CFAP299: variants seen among roughly 807,000 people sequenced by gnomAD.
CFAP299 encodes the protein cilia and flagella associated protein 299, also known as cilia- and flagella-associated protein 299.
Under a neutral mutation model 27.0 loss-of-function variants are expected in CFAP299, and 21 were observed. The ratio of observed to expected loss-of-function variants is 0.78; its 90% CI spans 0.55 to 1.12. The LOEUF (loss-of-function observed/expected upper bound fraction) is 1.12. CFAP299 is among the 50% of genes most tolerant of loss of function. The probability of loss-of-function intolerance (pLI) is 0.00; values close to 1 mark genes in which losing one functional copy is unlikely to be tolerated. For missense variants in CFAP299, 310 were observed against 276.6 expected (o/e 1.12, Z -0.86); for synonymous variants, 104 against 98.1 (o/e 1.06, Z -0.36).
intron 3 of CFAP299, among the ~76,000 whole-genome samples, chr4:80,842,339 T>TCCTTAC (rs1480820515): frequency 6.6e-6 from 1 of 152,134 alleles, no homozygotes; most frequent in Non-Finnish European, 1.5e-5. Context: ...CTCCAGCTTT[T>TCCTTAC]CCTTACTATC....
At chr4:80,916,252 AATATATATATATATATATATATATAT>A (rs10696316) in intron 4 of CFAP299, among the ~76,000 whole-genome samples, 1,847 of 61,012 alleles carry the variant, frequency 0.03, 222 homozygotes, top group Admixed American at 0.25. Context: ...ACTAGACTGA[AATATATATATATATATATATATATAT>A]ATATATATAT....
chr4:80,530,954 C>T lies in CFAP299; in HGVS notation c.243-52139C>T, dbSNP rs1207804206. Among the ~76,000 whole-genome samples the T allele has an allele frequency of 6.6e-5, 10 of 152,124 alleles. No homozygotes were observed. The East Asian group carries it at 9.7e-4, about 15-fold the overall frequency. The stretch of plus-strand genomic sequence containing the variant: ...TGATAGTACAGACTATGTAGGGCCT[C>T]GTATGTCAATATACAAACTTTGGGT... On this transcript the variant is annotated intron_variant, in intron 2 of 5. Coordinates refer to ENST00000358105, the MANE Select transcript of CFAP299 (RefSeq NM_152770.3).
intron 2 of CFAP299, among the ~76,000 whole-genome samples, chr4:80,496,875 C>A (rs1363583520): frequency 6.6e-6 from 1 of 152,072 alleles, no homozygotes; most frequent in Non-Finnish European, 1.5e-5. Context: ...GGGGAGTAGG[C>A]ATATCACATG....
intron 4 of CFAP299, among the ~76,000 whole-genome samples, chr4:80,904,396 G>A (rs1416230329): frequency 5.9e-5 from 9 of 152,078 alleles, no homozygotes; most frequent in Non-Finnish European, 8.8e-5. Flanking sequence ...TCCACCCCAG[G>A]TCCTAGTCAG....
At chr4:80,550,235 A>G (rs1734432349) in intron 2 of CFAP299, among the ~76,000 whole-genome samples, 1 of 152,054 alleles carries the variant, frequency 6.6e-6, no homozygotes, top group Non-Finnish European at 1.5e-5. Flanking sequence ...AACATGTACT[A>G]GGCATGTTGG....
intron 4 of CFAP299, among the ~76,000 whole-genome samples, chr4:80,898,437 C>T (rs1455568611): frequency 1.3e-5 from 2 of 152,032 alleles, no homozygotes; most frequent in Non-Finnish European, 2.9e-5. Flanking sequence ...CCTTCCTCTG[C>T]CAGCTGAACC....
At chr4:80,519,008 GA>G (rs1732756849) in intron 2 of CFAP299, among the ~76,000 whole-genome samples, 1 of 151,808 alleles carries the variant, frequency 6.6e-6, no homozygotes, top group Non-Finnish European at 1.5e-5. Context: ...TGGAGTACTA[GA>G]TCATAAGGCT....
At chr4:80,451,211 G>T (rs1728888879) in intron 2 of CFAP299, among the ~76,000 whole-genome samples, 1 of 152,132 alleles carries the variant, frequency 6.6e-6, no homozygotes, top group Non-Finnish European at 1.5e-5. Context: ...CTGCCTCCTT[G>T]CTGTGTCCTC....
At chr4:80,911,765 A>G (rs975800536) in intron 4 of CFAP299, among the ~76,000 whole-genome samples, 1 of 152,190 alleles carries the variant, frequency 6.6e-6, no homozygotes, top group Non-Finnish European at 1.5e-5. Context: ...TGCCATAAGA[A>G]GCACTTCTTG....
At chr4:80,498,493 A>T (rs770978569) in intron 2 of CFAP299, among the ~76,000 whole-genome samples, 13 of 152,186 alleles carry the variant, frequency 8.5e-5, no homozygotes, top group Non-Finnish European at 1.8e-4. Flanking sequence ...ATATGAAAAA[A>T]TGCTCAACAT....
At chr4:80,386,639 T>C in intron 2 of CFAP299, 6 of 1,596,146 alleles carry the variant, frequency 3.8e-6, no homozygotes, top group Non-Finnish European at 5.1e-6. Flanking sequence ...GAACTTGTAG[T>C]AGCCCGTGTG....
At chr4:80,610,108 C>G (rs545384867) in intron 3 of CFAP299, among the ~76,000 whole-genome samples, 2 of 151,716 alleles carry the variant, frequency 1.3e-5, no homozygotes, top group East Asian at 3.9e-4. Context: ...TAAGGTAGTT[C>G]TAAGTAATTT....
At chr4:80,385,002 T>C (rs1233242065) in intron 2 of CFAP299, among the ~76,000 whole-genome samples, 1 of 152,198 alleles carries the variant, frequency 6.6e-6, no homozygotes, top group Non-Finnish European at 1.5e-5. Flanking sequence ...GTTTAGGGTA[T>C]AAAAAGTGAT....
At chr4:80,409,591 T>G (rs1358342743) in intron 2 of CFAP299, among the ~76,000 whole-genome samples, 1 of 152,174 alleles carries the variant, frequency 6.6e-6, no homozygotes, top group Non-Finnish European at 1.5e-5. Context: ...CAAGATGTAT[T>G]GATGGTTATT....
intron 3 of CFAP299, among the ~76,000 whole-genome samples, chr4:80,590,221 G>C (rs562620650): frequency 2.6e-5 from 4 of 152,280 alleles, no homozygotes; most frequent in African/African-American, 7.2e-5. Flanking sequence ...CTCCGTCACT[G>C]ATGAATTCGT....
chr4:80,932,173 T>C lies in CFAP299; in HGVS notation c.477-12637T>C, dbSNP rs531203689. On this transcript the variant is annotated intron_variant, in intron 4 of 5. Transcript: ENST00000358105. ...TTTCTCTCCTGTAAAATAGTAATAATAATACATAACTAAATGACCTAATGA... is the reference window on the plus strand; with the variant it reads ...TTTCTCTCCTGTAAAATAGTAATAACAATACATAACTAAATGACCTAATGA... 2.4e-4 allele frequency among the ~76,000 whole-genome samples: 37 copies of C among 152,300 alleles called. 1 individual carries two copies. In the South Asian group the frequency reaches 7.7e-3, roughly 32 times the overall value.
chr4:80,793,311 C>A (rs1186511586), intron 3 of CFAP299, among the ~76,000 whole-genome samples: 2 of 151,974 alleles, frequency 1.3e-5, no homozygotes, highest in East Asian at 3.9e-4. Context: ...GCCAGTCTAG[C>A]CTTTTCACGT....
At chr4:80,578,776 A>T (rs17004948) in intron 2 of CFAP299, among the ~76,000 whole-genome samples, 1 of 152,152 alleles carries the variant, frequency 6.6e-6, no homozygotes, top group African/African-American at 2.4e-5. Context: ...GGAATTAAAG[A>T]TTGATATTCC....
intron 3 of CFAP299, among the ~76,000 whole-genome samples, chr4:80,776,410 T>C (rs1726543745): frequency 6.6e-6 from 1 of 152,078 alleles, no homozygotes; most frequent in Non-Finnish European, 1.5e-5. Flanking sequence ...CAGGAATTAA[T>C]ACTGTGAAAC....
Sources: gnomAD v4.1 joint callset for allele counts (sites outside exome capture counted in the v4.1 genomes callset) on GRCh38, gnomAD v4.1.1 for gene constraint, MANE v1.5 for transcripts, NCBI Gene and HGNC (gene_info 2026-07-23, HGNC 2026-07-21) for gene names.